ARHGEF18: variants seen among roughly 807,000 people sequenced by gnomAD.
ARHGEF18 encodes Rho/Rac guanine nucleotide exchange factor 18.
ARHGEF18 carries 93 observed loss-of-function variants against 155.7 expected under a neutral mutation model. The ratio of observed to expected loss-of-function variants is 0.60; its 90% CI spans 0.50 to 0.71. The LOEUF is 0.71. Ranked by LOEUF, ARHGEF18 falls within the 30% of genes least tolerant of loss-of-function variation. The pLI, the probability that ARHGEF18 is intolerant of heterozygous loss-of-function variation, is 0.00. For synonymous variants in ARHGEF18, 742 were observed against 753.1 expected (o/e 0.99, Z 0.24); for missense variants, 1,593 against 1,816.1 (o/e 0.88, Z 2.23).
chr19:7,464,613 C>T lies in ARHGEF18; in HGVS notation c.2827C>T (p.Arg943Ter). 6.2e-6 allele frequency: 10 copies of T among 1,613,922 alleles called. No individual in the cohort carries two copies. Among genetic ancestry groups the T allele is most frequent in the Non-Finnish European group, 8.5e-6 (10 of 1,179,964 alleles). ...SSTDPRPRDW[R>*]GPPNSPDLKL... is the part of the protein sequence containing the mutation. ...CACTGACCCCAGGCCCCGAGACTGG[C>T]GAGGCCCCCCAAACAGCCCGGACTT... The change falls in exon 23 of 29, where the codon CGA becomes TGA. Residue 943 changes from arginine (R) to a stop codon, truncating the protein, a stop_gained. Transcript: ENST00000668164. LOFTEE classifies it high-confidence loss of function.
chr19:7,394,862 G>A (rs79002183), intron 10 of ARHGEF18: 7,926 of 160,566 alleles, frequency 0.049, 242 homozygotes, highest in South Asian at 0.08. Context: ...AGCCAGGCTC[G>A]CATTGCTCTC....
At chr19:7,453,255 G>C (rs1177732305) in intron 16 of ARHGEF18, among the ~76,000 whole-genome samples, 1 of 150,542 alleles carries the variant, frequency 6.6e-6, no homozygotes, top group Non-Finnish European at 1.5e-5. Flanking sequence ...TTATTTTGGA[G>C]AACTATTTGC....
intron 10 of ARHGEF18, among the ~76,000 whole-genome samples, chr19:7,427,472 G>C (rs12460296): frequency 0.53 from 80,925 of 151,334 alleles, 21,980 homozygotes; most frequent in Middle Eastern, 0.74. Flanking sequence ...TAGCAAGACC[G>C]TGTCTCTACA....
chr19:7,465,157 C>G (rs1377260099), intron 23 of ARHGEF18, among the ~76,000 whole-genome samples: 2 of 152,196 alleles, frequency 1.3e-5, no homozygotes, highest in Non-Finnish European at 2.9e-5. Context: ...GCCCCTGTGG[C>G]CAGAGCTGGC....
chr19:7,373,477 G>GTTTTTTTTTTTTTTT (rs369561919), intron 3 of ARHGEF18, among the ~76,000 whole-genome samples: 1 of 95,650 alleles, frequency 1.0e-5, no homozygotes, highest in African/African-American at 5.2e-5. Context: ...TTTTTTTTTT[G>GTTTTTTTTTTTTTTT]TTTTTGTTTT....
chr19:7,358,493 C>G (rs546591850), intron 1 of ARHGEF18, among the ~76,000 whole-genome samples: 14 of 152,124 alleles, frequency 9.2e-5, no homozygotes, highest in Admixed American at 5.2e-4. Flanking sequence ...TCTATCCACT[C>G]ATTCATCCAT....
At chr19:7,433,966 C>T (rs1240072365) in intron 10 of ARHGEF18, among the ~76,000 whole-genome samples, 2 of 149,266 alleles carry the variant, frequency 1.3e-5, no homozygotes, top group Non-Finnish European at 3.0e-5. Flanking sequence ...TTGCAGTGAA[C>T]TGACATCACA....
chr19:7,478,024 A>G, the ARHGEF18 span, among the ~76,000 whole-genome samples: 3 of 152,260 alleles, frequency 2.0e-5, no homozygotes, highest in Non-Finnish European at 2.9e-5. Flanking sequence ...CCTGTCTCAA[A>G]AAACAAAAAG....
chr19:7,394,406 T>C (rs1290447367), intron 10 of ARHGEF18, among the ~76,000 whole-genome samples: 1 of 151,940 alleles, frequency 6.6e-6, no homozygotes, highest in Non-Finnish European at 1.5e-5. Context: ...TCTTGGACTC[T>C]CCCCGCTAGG....
rs930032695 is a variant in ARHGEF18, at chr19:7,453,400, G to A, written c.1856-67G>A. 6 of 1,521,684 alleles carry A rather than the reference G, an allele frequency of 3.9e-6. No individual in the cohort carries two copies. In the South Asian group the frequency reaches 4.0e-5, roughly 10 times the overall value. 94.3% of individuals were successfully genotyped at this position (1,521,684 alleles called of 1,614,324 possible). On this transcript the variant is annotated intron_variant, in intron 16 of 28. Transcript: ENST00000668164. ...TCATAGATCCACATGTCCATACATAGTGAGTGTGTCCACTTCTGTTGTGTT... is the reference window on the plus strand; with the variant it reads ...TCATAGATCCACATGTCCATACATAATGAGTGTGTCCACTTCTGTTGTGTT...
intron 2 of ARHGEF18, among the ~76,000 whole-genome samples, chr19:7,368,547 G>T (rs1045234909): frequency 3.2e-4 from 48 of 152,108 alleles, no homozygotes; most frequent in Admixed American, 2.6e-4. Context: ...GGAACAGCCT[G>T]TACTGCCTGG....
intron 1 of ARHGEF18, among the ~76,000 whole-genome samples, chr19:7,362,116 A>G (rs58480230): frequency 1.1e-4 from 3 of 26,538 alleles, no homozygotes; most frequent in East Asian, 7.2e-4. Flanking sequence ...GGAGAAGGAG[A>G]AGGAGAAGGA....
At chr19:7,407,060 G>A (rs8102913) in intron 10 of ARHGEF18, among the ~76,000 whole-genome samples, 10,750 of 131,652 alleles carry the variant, frequency 0.082, 1,416 homozygotes, top group African/African-American at 0.3. Flanking sequence ...GCAAGACTCC[G>A]TCTCAAAAAA....
intron 14 of ARHGEF18, among the ~76,000 whole-genome samples, chr19:7,446,718 G>T (rs1229452238): frequency 6.6e-6 from 1 of 151,664 alleles, no homozygotes; most frequent in African/African-American, 2.4e-5. Flanking sequence ...TCCAGCCTGG[G>T]CAACAGAGTG....
chr19:7,361,048 C>A (rs1159334980), intron 1 of ARHGEF18, among the ~76,000 whole-genome samples: 3 of 152,158 alleles, frequency 2.0e-5, no homozygotes, highest in Non-Finnish European at 4.4e-5. Context: ...GTGTACCTGC[C>A]CCATCCAAAG....
rs563662094 is a variant in ARHGEF18 at position 7,358,012 on chromosome 19, C to T, written c.-110-4769C>T. Among the ~76,000 whole-genome samples the T allele has an allele frequency of 9.2e-5, 14 of 152,260 alleles. No individual in the cohort carries two copies. In the East Asian group the frequency reaches 2.5e-3, roughly 27 times the overall value. ...CTTCCTCACCCCCTCAGAATGCCAT[C>T]TCCTGAGTGTAATGCATCGCTGCCT... is the stretch of plus-strand genomic sequence containing the variant. On this transcript the variant is annotated intron_variant, in intron 1 of 28. Coordinates refer to ENST00000668164, the MANE Select transcript of ARHGEF18 (RefSeq NM_001367823.1).
chr19:7,465,204 G>C lies in ARHGEF18; in HGVS notation c.2904+514G>C, dbSNP rs144532750. 4.4e-3 allele frequency among the ~76,000 whole-genome samples: 669 copies of C among 152,252 alleles called. 1 individual carries two copies. Among genetic ancestry groups the C allele is most frequent in the African/African-American group, 0.015 (636 of 41,554 alleles). ...ATAGCCAAGCCCACTCTACCTCCCA[G>C]GAGGCCCCAGCCCCTCGTTTTCCAA... On this transcript the variant is annotated intron_variant, in intron 23 of 28. Coordinates refer to ENST00000668164, the MANE Select transcript of ARHGEF18 (RefSeq NM_001367823.1).
At chr19:7,397,042 G>C (rs931926999) in intron 10 of ARHGEF18, among the ~76,000 whole-genome samples, 1 of 149,362 alleles carries the variant, frequency 6.7e-6, no homozygotes, top group African/African-American at 2.5e-5. Flanking sequence ...GACCGAGTCA[G>C]GGTTTACGCT....
chr19:7,457,239 C>T (rs369065510), intron 18 of ARHGEF18, among the ~76,000 whole-genome samples: 5 of 151,906 alleles, frequency 3.3e-5, no homozygotes, highest in East Asian at 1.9e-4. Flanking sequence ...TCTGTGTCCT[C>T]GAGTGGCCAT....
Sources: allele counts gnomAD v4.1 joint callset (sites outside exome capture counted in the v4.1 genomes callset), GRCh38; gene constraint gnomAD v4.1.1; transcripts MANE v1.5; gene names NCBI Gene and HGNC (gene_info 2026-07-23, HGNC 2026-07-21).